NECAB3: variants seen among roughly 807,000 people sequenced by gnomAD.
NECAB3 encodes the protein N-terminal EF-hand calcium-binding protein 3.
A neutral mutation model predicts 57.2 loss-of-function variants in NECAB3; 38 were observed. The ratio of observed to expected loss-of-function variants is 0.66; its 90% CI spans 0.51 to 0.87. The LOEUF is 0.87. Among genes scored for constraint, NECAB3 ranks in the 40% least tolerant of loss-of-function variants. NECAB3 has a pLI of 0.00. For missense variants in NECAB3, 474 were observed against 527.5 expected (o/e 0.90, Z 0.99); for synonymous variants, 223 against 222.6 (o/e 1.00, Z -0.02).
intron 8 of NECAB3, 90 bp downstream of exon 8, chr20:33,659,406 AG>A (rs1255355283): frequency 9.3e-6 from 11 of 1,182,540 alleles, no homozygotes; most frequent in Middle Eastern, 2.0e-4. Flanking sequence ...CGCACTGCAG[AG>A]GGTTGGTGGG....
At chr20:33,662,186 A>C in intron 5 of NECAB3, 1 of 910,896 alleles carries the variant, frequency 1.1e-6, no homozygotes, top group Non-Finnish European at 1.6e-6. Context: ...CAAGGCTAGA[A>C]GTGACTGAGT....
chr20:33,659,472 C>A (rs1408823791), intron 8 of NECAB3, 25 bp downstream of exon 8: 4 of 1,443,538 alleles, frequency 2.8e-6, no homozygotes, highest in Non-Finnish European at 3.7e-6. Flanking sequence ...GGCCATCCAG[C>A]CGCTTGCCCC....
In NECAB3 at chr20:33,663,269, TG is replaced by T. The variant is rs558067514; in HGVS notation, c.388-2875del. 1.7e-4 allele frequency: 92 copies of T among 541,568 alleles called. No individual in the cohort carries two copies. In the African/African-American group the frequency reaches 1.8e-3, roughly 10 times the overall value. 33.5% of individuals were successfully genotyped at this position (541,568 alleles called of 1,614,324 possible). ...GGGATCTCATAAACTTAGACGGAGCTGGTCTCAGGAAGTCAGCCTGGGATGG... is the reference window on the plus strand; with the variant it reads ...GGGATCTCATAAACTTAGACGGAGCTGTCTCAGGAAGTCAGCCTGGGATGG... On this transcript the variant is annotated intron_variant, in intron 5 of 11. Coordinates refer to ENST00000246190, the MANE Select transcript of NECAB3 (RefSeq NM_031232.4).
intron 5 of NECAB3, chr20:33,667,298 G>A: frequency 4.9e-6 from 3 of 616,878 alleles, no homozygotes; most frequent in Non-Finnish European, 7.2e-6. Context: ...GGCGTGGCGC[G>A]GGCGCACCCC....
At position 33,667,908 on chromosome 20, in the gene NECAB3, G is replaced by C. The variant is rs376923517; in HGVS notation, c.387+1467C>G. On this transcript the variant is annotated intron_variant, in intron 5 of 11. Coordinates refer to ENST00000246190, the MANE Select transcript of NECAB3 (RefSeq NM_031232.4). ...AGCCGGGCCTGCTGGGCCAGGCTGA[G>C]CAGGGGCTGCCCGCGCTGGCCTTCC... 58 of 1,574,708 alleles carry C rather than the reference G, an allele frequency of 3.7e-5. No individual in the cohort carries two copies. The highest frequency in any genetic ancestry group is 2.6e-5 in the Non-Finnish European group (30 of 1,160,934).
chr20:33,663,820 G>T, intron 5 of NECAB3: 1 of 1,357,454 alleles, frequency 7.4e-7, no homozygotes, highest in Non-Finnish European at 9.4e-7. Context: ...CGGCCCCGCC[G>T]AGGAGCAGCC....
intron 4 of NECAB3, 69 bp downstream of exon 4, chr20:33,669,618 A>G: frequency 3.9e-6 from 6 of 1,547,114 alleles, no homozygotes; most frequent in Non-Finnish European, 4.4e-6. Context: ...GACCAGCAAC[A>G]GTCCCTTGCC....
intron 5 of NECAB3, chr20:33,667,331 A>G (rs1420360129): frequency 2.3e-6 from 2 of 879,802 alleles, no homozygotes; most frequent in Non-Finnish European, 3.1e-6. Flanking sequence ...GTGGTGGCGG[A>G]CTGGGAGGCG....
At chr20:33,671,027 G>A (rs1053444355) in intron 2 of NECAB3, among the ~76,000 whole-genome samples, 3 of 152,238 alleles carry the variant, frequency 2.0e-5, no homozygotes, top group Non-Finnish European at 4.4e-5. Flanking sequence ...AAGGGACAGG[G>A]CAGTATGTAC....
chr20:33,662,700 T>A, intron 5 of NECAB3: 1 of 510,756 alleles, frequency 2.0e-6, no homozygotes. Context: ...AACACGTTGG[T>A]AGGCCAAGGT....
upstream of NECAB3, chr20:33,674,514 G>A: frequency 1.6e-6 from 1 of 640,028 alleles, no homozygotes; most frequent in Non-Finnish European, 2.0e-6. Context: ...CTCGCCTCAA[G>A]GTCCAACTCC....
intron 5 of NECAB3, chr20:33,667,970 G>A (rs970975561): frequency 3.9e-6 from 6 of 1,549,818 alleles, no homozygotes; most frequent in South Asian, 1.2e-5. Context: ...CTGCGGACAC[G>A]CCTGGCAGAC....
chr20:33,657,859 TG>T lies in NECAB3; in HGVS notation c.1163-3del, dbSNP rs898254871. On this transcript the variant is annotated splice_region_variant and splice_polypyrimidine_tract_variant and intron_variant, in intron 11 of 11. Transcript: ENST00000246190. ...TGTTATTCATTATCCACCAGGAGGC[TG>T]GGGGTCAGAGGCAGGGGGTCAGGAG... 1.3e-6 allele frequency: 2 copies of T among 1,543,804 alleles called. No homozygotes were observed. Among genetic ancestry groups the T allele is most frequent in the African/African-American group, 2.7e-5 (2 of 73,002 alleles).
At chr20:33,658,102 C>A in intron 10 of NECAB3, 69 bp from the exon 11 acceptor site, 1 of 1,397,032 alleles carries the variant, frequency 7.2e-7, no homozygotes, top group East Asian at 2.5e-5. Context: ...CAGGATCAGA[C>A]CCCGGCCCTT....
Position 33,663,556 on chromosome 20 carries a change from CT to C in NECAB3, c.388-3162del, listed in dbSNP as rs750331410. The C allele has an allele frequency of 1.4e-3, 2,266 of 1,611,228 alleles. 1 individual carries two copies. Among genetic ancestry groups the C allele is most frequent in the Non-Finnish European group, 1.9e-3 (2,185 of 1,179,652 alleles). ...GACCAGGATCGTGCTGATTCTCCCC[CT>C]GGACAAGCGGCAGCCGCTGGCCAAC... On this transcript the variant is annotated intron_variant, in intron 5 of 11. Coordinates refer to ENST00000246190, the MANE Select transcript of NECAB3 (RefSeq NM_031232.4).
At chr20:33,662,221 C>G in intron 5 of NECAB3, 2 of 1,326,370 alleles carry the variant, frequency 1.5e-6, no homozygotes, top group South Asian at 3.0e-5. Flanking sequence ...CCTGTGGGCC[C>G]TGGAAGGCGG....
chr20:33,660,014 T>C lies in NECAB3; in HGVS notation c.525-11A>G. ...CTCTCTGCATCTGACCTAGAGGAAG[T>C]GAGGCTCACAGGGCCGAGGACTGGG... On this transcript the variant is annotated splice_polypyrimidine_tract_variant and intron_variant, in intron 6 of 11. Coordinates refer to ENST00000246190, the MANE Select transcript of NECAB3 (RefSeq NM_031232.4). The surrounding 1 kb of genome is among the most constrained non-coding windows in gnomAD (Gnocchi z 4.1). 1 of 1,573,744 alleles carries C rather than the reference T, an allele frequency of 6.4e-7. No individual in the cohort carries two copies. The highest frequency in any genetic ancestry group is 8.6e-7 in the Non-Finnish European group (1 of 1,161,772).
At chr20:33,659,387 G>T in intron 8 of NECAB3, 110 bp downstream of exon 8, 1 of 934,444 alleles carries the variant, frequency 1.1e-6, no homozygotes, top group Non-Finnish European at 1.5e-6. Flanking sequence ...CCTGGGGGCG[G>T]GGCACATGCG....
At chr20:33,672,530 C>T (rs1445246389) in intron 1 of NECAB3, 108 bp from the exon 2 acceptor site, 1 of 1,351,556 alleles carries the variant, frequency 7.4e-7, no homozygotes, top group Non-Finnish European at 1.1e-6. Context: ...CCTGCCTCGC[C>T]TTTCCTCCCG....
Sources: gnomAD v4.1 joint callset for allele counts (sites outside exome capture counted in the v4.1 genomes callset) on GRCh38, gnomAD v4.1.1 for gene constraint, Gnocchi (gnomAD v3.1) non-coding constraint, MANE v1.5 for transcripts, NCBI Gene and HGNC (gene_info 2026-07-23, HGNC 2026-07-21) for gene names.